The following AXIN1 variants were observed in gnomAD, a reference collection of about 807,000 sequenced individuals.
The protein encoded by AXIN1 is axin-1.
A neutral mutation model predicts 76.4 loss-of-function variants in AXIN1; 30 were observed. That is an observed-to-expected ratio of 0.39 (90% CI 0.29 to 0.53). The LOEUF (loss-of-function observed/expected upper bound fraction) is 0.53, where lower values mean the gene tolerates loss of function less well. AXIN1 is among the 20% of genes least tolerant of loss of function. The pLI, the probability that AXIN1 is intolerant of heterozygous loss-of-function variation, is 0.66. For missense variants in AXIN1, 1,140 were observed against 1,198.8 expected (o/e 0.95, Z 0.72); for synonymous variants, 545 against 501.4 (o/e 1.09, Z -1.16).
At chr16:307,368 G>A (rs914546556) in intron 4 of AXIN1, among the ~76,000 whole-genome samples, 1 of 152,134 alleles carries the variant, frequency 6.6e-6, no homozygotes, top group Non-Finnish European at 1.5e-5. Context: ...CAGCTTTAGA[G>A]GAACAGAAAA....
chr16:330,742 T>C (rs1488100586), intron 2 of AXIN1, among the ~76,000 whole-genome samples: 2 of 152,238 alleles, frequency 1.3e-5, no homozygotes, highest in African/African-American at 2.4e-5. Flanking sequence ...AAATGTTTTA[T>C]GCTTTCCTCC....
intron 4 of AXIN1, among the ~76,000 whole-genome samples, chr16:305,693 G>A (rs557679588): frequency 1.2e-3 from 177 of 152,144 alleles, no homozygotes; most frequent in African/African-American, 4.0e-3. Context: ...ACAGGCGCCT[G>A]CCACCATGCC....
chr16:351,711 T>C (rs995847277), intron 1 of AXIN1, among the ~76,000 whole-genome samples: 1 of 151,994 alleles, frequency 6.6e-6, no homozygotes, highest in East Asian at 1.9e-4. Context: ...ATTCAACACC[T>C]GCTGGGCAAT....
intron 2 of AXIN1, among the ~76,000 whole-genome samples, chr16:329,961 T>A (rs1017345360): frequency 2.0e-5 from 3 of 151,604 alleles, no homozygotes; most frequent in African/African-American, 7.3e-5. Context: ...AGAGACGGGG[T>A]TTCACCATGT....
At chr16:297,701 C>G (rs1157311656) in intron 6 of AXIN1, 21 bp downstream of exon 6, 1 of 1,586,168 alleles carries the variant, frequency 6.3e-7, no homozygotes, top group Non-Finnish European at 8.5e-7. Flanking sequence ...GCCCCCTCCT[C>G]ACTGACAGGC....
chr16:288,167 G>C lies in AXIN1; in HGVS notation c.2544C>G (p.Pro848=), dbSNP rs371275608. The C allele has an allele frequency of 6.8e-6, 11 of 1,613,518 alleles. No individual in the cohort carries two copies. The African/African-American group carries it at 1.2e-4, about 18-fold the overall frequency. ...TGCCGATGATCTTCTCCTCAAAGAC[G>C]GGCAGGACGGCCTCGTCCTCTCGAA... ...EEVREDEAVL[P]VFEEKIIGKV... The change falls in exon 11 of 11, where the codon CCC becomes CCG. Residue 848 remains proline (P), a synonymous_variant. Coordinates refer to ENST00000262320, the MANE Select transcript of AXIN1 (RefSeq NM_003502.4).
chr16:339,548 G>A (rs1320672816), intron 2 of AXIN1, among the ~76,000 whole-genome samples: 3 of 151,682 alleles, frequency 2.0e-5, no homozygotes, highest in Admixed American at 6.6e-5. Context: ...CAGGCATGGC[G>A]GCAGGTGCCT....
rs1020309420 is a variant in AXIN1, at chr16:293,259, G to A, written c.2186+229C>T. On this transcript the variant is annotated intron_variant, in intron 8 of 10. Transcript: ENST00000262320. This position sits in a 1 kb window ranked among gnomAD's most constrained non-coding sequence, Gnocchi z 4.6. ...GGACCCCGCCTCCAGAGCAATGAGC[G>A]CGGCGGCCTCGGGTGTGTGAAAGCT... 40 of 592,146 alleles carry A rather than the reference G, an allele frequency of 6.8e-5. No homozygotes were observed. The highest frequency in any genetic ancestry group is 9.9e-5 in the Non-Finnish European group (33 of 332,588). The allele number at this position is 592,146 out of a possible 1,614,324, so 36.7% of individuals were successfully genotyped here.
intron 5 of AXIN1, among the ~76,000 whole-genome samples, chr16:302,386 C>T (rs2052896520): frequency 6.6e-6 from 1 of 152,240 alleles, no homozygotes; most frequent in African/African-American, 2.4e-5. Flanking sequence ...GATGCAGCTC[C>T]ACATGGTGGC....
At chr16:327,686 C>T (rs1010353635) in intron 2 of AXIN1, among the ~76,000 whole-genome samples, 1 of 152,252 alleles carries the variant, frequency 6.6e-6, no homozygotes, top group Non-Finnish European at 1.5e-5. Flanking sequence ...TGGCCAAATG[C>T]CCCTCACCAG....
intron 2 of AXIN1, among the ~76,000 whole-genome samples, chr16:336,052 T>C (rs2053797237): frequency 2.0e-5 from 3 of 152,070 alleles, no homozygotes; most frequent in Admixed American, 2.0e-4. Context: ...CTGGCCAACA[T>C]GGTAAAACCT....
intron 5 of AXIN1, among the ~76,000 whole-genome samples, chr16:300,455 C>T (rs115928687): frequency 0.066 from 10,075 of 152,052 alleles, 459 homozygotes; most frequent in African/African-American, 0.12. Flanking sequence ...CTGTCTTGGC[C>T]TCTCAAAGTG....
At chr16:329,518 T>C (rs1041565578) in intron 2 of AXIN1, among the ~76,000 whole-genome samples, 4 of 152,118 alleles carry the variant, frequency 2.6e-5, no homozygotes, top group Non-Finnish European at 5.9e-5. Context: ...TGATCTTGGC[T>C]CAATGCATCC....
In AXIN1 at chr16:345,296, C is replaced by G. The variant is rs150847929; in HGVS notation, c.878+852G>C. Among the ~76,000 whole-genome samples the G allele has an allele frequency of 4.0e-3, 612 of 152,298 alleles. 4 individuals carry two copies. The highest frequency in any genetic ancestry group is 6.1e-3 in the Non-Finnish European group (413 of 68,016). ...CAGATTTTGTTGGCAGGAAAAAAGG[C>G]CCAATCCTGGAATGCCCACTATAGC... On this transcript the variant is annotated intron_variant, in intron 2 of 10. Transcript: ENST00000262320.
At chr16:319,885 C>T (rs373816514) in intron 2 of AXIN1, among the ~76,000 whole-genome samples, 7 of 152,188 alleles carry the variant, frequency 4.6e-5, no homozygotes, top group Non-Finnish European at 7.3e-5. Context: ...GCTGGGCCAC[C>T]GTCGGATCGG....
chr16:299,709 G>C (rs1224749533), intron 5 of AXIN1, among the ~76,000 whole-genome samples: 1 of 151,780 alleles, frequency 6.6e-6, no homozygotes, highest in East Asian at 1.9e-4. Context: ...AGGCTGGAGT[G>C]CAGTGGCACG....
At chr16:298,283 C>A (rs1246509475) in intron 5 of AXIN1, 32 bp from the exon 6 acceptor site, 1 of 1,537,152 alleles carries the variant, frequency 6.5e-7, no homozygotes. Context: ...CATCACCTCT[C>A]AGCACCAGCT....
intron 2 of AXIN1, among the ~76,000 whole-genome samples, chr16:328,065 G>A (rs1213243485): frequency 6.6e-6 from 1 of 152,140 alleles, no homozygotes; most frequent in African/African-American, 2.4e-5. Context: ...GAGTGAAAAG[G>A]CCAGACCTTG....
intron 3 of AXIN1, 33 bp from the exon 4 acceptor site, chr16:310,102 G>C: frequency 1.9e-6 from 3 of 1,576,252 alleles, no homozygotes; most frequent in Non-Finnish European, 2.6e-6. Context: ...CGTTAACTCA[G>C]AGAGGAGCAG....
Sources: gnomAD v4.1 joint callset for allele counts (sites outside exome capture counted in the v4.1 genomes callset) on GRCh38, gnomAD v4.1.1 for gene constraint, Gnocchi (gnomAD v3.1) non-coding constraint, MANE v1.5 for transcripts, NCBI Gene and HGNC (gene_info 2026-07-23, HGNC 2026-07-21) for gene names.